The following RNASEH2B variants were observed in gnomAD, a reference collection of about 807,000 sequenced individuals.
The protein encoded by RNASEH2B is ribonuclease H2 subunit B, also known as Aicardi-Goutieres syndrome 2 protein.
RNASEH2B carries 36 observed loss-of-function variants against 45.0 expected under a neutral mutation model. The ratio of observed to expected loss-of-function variants is 0.80; its 90% confidence interval spans 0.61 to 1.06. The LOEUF is 1.06. RNASEH2B is among the 50% of genes least tolerant of loss of function. The pLI, the probability that RNASEH2B is intolerant of heterozygous loss-of-function variation, is 0.00. For missense variants in RNASEH2B, 361 were observed against 360.3 expected (o/e 1.00, Z -0.02); for synonymous variants, 119 against 125.7 (o/e 0.95, Z 0.35).
intron 8 of RNASEH2B, chr13:50,949,172 C>G (rs527770445): frequency 3.1e-6 from 1 of 320,018 alleles, no homozygotes; most frequent in East Asian, 5.7e-5. Flanking sequence ...ACTCCAACAC[C>G]GAAACACAAA....
chr13:50,969,530 A>AAAG (rs1952200045), intron 9 of RNASEH2B, among the ~76,000 whole-genome samples: 3 of 151,708 alleles, frequency 2.0e-5, no homozygotes, highest in Admixed American at 2.0e-4. Flanking sequence ...TACAAAAAAA[A>AAAG]AAAAAAAAGA....
intron 1 of RNASEH2B, among the ~76,000 whole-genome samples, chr13:50,919,932 C>T (rs1331528549): frequency 6.6e-6 from 1 of 152,198 alleles, no homozygotes; most frequent in African/African-American, 2.4e-5. Flanking sequence ...ACAATTGTCT[C>T]TTTGTCACTG....
At chr13:50,915,122 C>T (rs1238095111) in intron 1 of RNASEH2B, among the ~76,000 whole-genome samples, 1 of 152,156 alleles carries the variant, frequency 6.6e-6, no homozygotes, top group Non-Finnish European at 1.5e-5. Context: ...ACACCTCAAG[C>T]TTTTAGCCCT....
In RNASEH2B at chr13:50,943,438, G is replaced by C. The variant is rs1951858751; in HGVS notation, c.510+44G>C. 2.2e-6 allele frequency: 3 copies of C among 1,376,812 alleles called. No individual in the cohort carries two copies. The Middle Eastern group carries it at 5.4e-4, about 246-fold the overall frequency. The allele number at this position is 1,376,812 out of a possible 1,614,324, so 85.3% of individuals were successfully genotyped here. On this transcript the variant is annotated intron_variant, in intron 6 of 10. Transcript: ENST00000336617. ...GCCTTGTGGTAAAAGTAAAAATTCA[G>C]TTCTCTAAGAAATTTTCAGAGAAGG...
chr13:50,910,033 G>A lies in RNASEH2B; in HGVS notation c.-44G>A. ...TTTTCGGCGGGGCTGGGAGACTGAG[G>A]CCCGCGGCGCTGAGCCTGCGGCGCC... On this transcript the variant is annotated 5_prime_UTR_variant, in exon 1 of 11. Transcript: ENST00000336617. The A allele has an allele frequency of 1.4e-6, 2 of 1,450,264 alleles. No homozygotes were observed. Among genetic ancestry groups the A allele is most frequent in the Non-Finnish European group, 1.8e-6 (2 of 1,098,588 alleles). 89.8% of individuals were successfully genotyped at this position (1,450,264 alleles called of 1,614,324 possible).
rs1440922442 is a variant in RNASEH2B at position 50,918,924 on chromosome 13, A to C, written c.65-8483A>C. Among the ~76,000 whole-genome samples, 4 of 152,202 alleles carry C rather than the reference A, an allele frequency of 2.6e-5. 1 individual carries two copies. The highest frequency in any genetic ancestry group is 4.1e-4 in the South Asian group (2 of 4,822). The stretch of plus-strand genomic sequence containing the variant: ...TCTCTCTTTTTCTTTTTTCTATTGG[A>C]TCTTCTTAAGAAACCTGAATAGCCT... On this transcript the variant is annotated intron_variant, in intron 1 of 10. Transcript: ENST00000336617.
intron 3 of RNASEH2B, 65 bp from the exon 4 acceptor site, chr13:50,930,618 A>C (rs1198286434): frequency 1.8e-6 from 2 of 1,141,866 alleles, no homozygotes; most frequent in Non-Finnish European, 2.7e-6. Context: ...TTTGAGATTA[A>C]GGTGAAATAG....
rs569891253 is a variant in RNASEH2B, at chr13:50,925,022, C to T, written c.65-2385C>T. Among the ~76,000 whole-genome samples, 19 of 151,972 alleles carry T rather than the reference C, an allele frequency of 1.3e-4. No homozygotes were observed. In the South Asian group the frequency reaches 2.7e-3, roughly 22 times the overall value. ...TTGTTCCCTCTTCTCCTTTTGGAAA[C>T]TCCAGTTATACATATATTAAAATGC... On this transcript the variant is annotated intron_variant, in intron 1 of 10. Transcript: ENST00000336617.
chr13:50,916,167 T>C (rs1193302977), intron 1 of RNASEH2B, among the ~76,000 whole-genome samples: 1 of 152,136 alleles, frequency 6.6e-6, no homozygotes, highest in African/African-American at 2.4e-5. Context: ...TTCTTTCCAG[T>C]TTTTTCATGT....
At chr13:50,920,005 G>C (rs1951497409) in intron 1 of RNASEH2B, among the ~76,000 whole-genome samples, 2 of 146,038 alleles carry the variant, frequency 1.4e-5, no homozygotes, top group Admixed American at 1.4e-4. Context: ...TGTTTGTTGA[G>C]GGTGTTTTGT....
At chr13:50,953,788 T>C (rs955787634) in intron 9 of RNASEH2B, 117 bp from the exon 10 acceptor site, 12 of 703,892 alleles carry the variant, frequency 1.7e-5, no homozygotes, top group Admixed American at 1.4e-4. Context: ...CTTTGCTGGG[T>C]CTGCTGTCCC....
At chr13:50,967,170 A>C (rs993280700) in intron 9 of RNASEH2B, among the ~76,000 whole-genome samples, 2 of 152,188 alleles carry the variant, frequency 1.3e-5, no homozygotes, top group African/African-American at 4.8e-5. Flanking sequence ...AAGTGCTTTT[A>C]GAGTTATCTT....
downstream of RNASEH2B, among the ~76,000 whole-genome samples, chr13:50,959,265 GT>G (rs1441391464): frequency 6.6e-6 from 1 of 151,824 alleles, no homozygotes; most frequent in Non-Finnish European, 1.5e-5. Flanking sequence ...TCCTTTCTTG[GT>G]TTATACTTTG....
At chr13:50,946,928 A>C (rs942778701) in intron 7 of RNASEH2B, among the ~76,000 whole-genome samples, 1 of 152,184 alleles carries the variant, frequency 6.6e-6, no homozygotes, top group Non-Finnish European at 1.5e-5. Context: ...TCCCAGATCC[A>C]TGAGCAATTT....
In RNASEH2B at chr13:50,949,383, A is replaced by G. The variant is rs964918812; in HGVS notation, c.699-80A>G. The G allele has an allele frequency of 4.9e-5, 61 of 1,251,396 alleles. 1 individual carries two copies. In the Middle Eastern group the frequency reaches 7.6e-4, roughly 16 times the overall value. 77.5% of individuals were successfully genotyped at this position (1,251,396 alleles called of 1,614,324 possible). ...TGTAAGTTGAAAAGTAGGACTTACT[A>G]AGTCTTAAGTTGGCCCTGTCTTTCT... On this transcript the variant is annotated intron_variant, in intron 8 of 10. Transcript: ENST00000336617.
chr13:50,960,171 G>T, downstream of RNASEH2B: 1 of 1,135,690 alleles, frequency 8.8e-7, no homozygotes, highest in South Asian at 4.5e-5. Context: ...GTCATTTTGT[G>T]GTAAAGTTTT....
chr13:50,920,795 T>C (rs1175538453), intron 1 of RNASEH2B, among the ~76,000 whole-genome samples: 1 of 152,246 alleles, frequency 6.6e-6, no homozygotes, highest in Non-Finnish European at 1.5e-5. Context: ...TATTGAGTTT[T>C]TTCTAAACTT....
intron 5 of RNASEH2B, chr13:50,938,048 A>G (rs1209491640): frequency 1.3e-5 from 2 of 152,260 alleles, no homozygotes; most frequent in Non-Finnish European, 2.9e-5. Flanking sequence ...AAGAATCTAC[A>G]AAAGAAGTTA....
At chr13:50,965,287 G>A (rs531757544) in intron 9 of RNASEH2B, among the ~76,000 whole-genome samples, 2 of 152,302 alleles carry the variant, frequency 1.3e-5, no homozygotes, top group African/African-American at 4.8e-5. Context: ...GGAGCAGTAG[G>A]CTGTACCATA....
Sources: gnomAD v4.1 joint callset for allele counts (sites outside exome capture counted in the v4.1 genomes callset) on GRCh38, gnomAD v4.1.1 for gene constraint, MANE v1.5 for transcripts, NCBI Gene and HGNC (gene_info 2026-07-23, HGNC 2026-07-21) for gene names.